NRG1: variants seen among roughly 807,000 people sequenced by gnomAD.
NRG1 encodes neuregulin 1.
Under a neutral mutation model 63.8 loss-of-function variants are expected in NRG1, and 18 were observed. The ratio of observed to expected loss-of-function variants is 0.28; its 90% CI spans 0.19 to 0.42. The LOEUF is 0.42. Ranked by LOEUF, NRG1 falls within the 10% of genes least tolerant of loss-of-function variation. The pLI, the probability that NRG1 is intolerant of heterozygous loss-of-function variation, is 1.00. For missense variants in NRG1, 762 were observed against 814.7 expected, an observed-to-expected ratio of 0.94 and a Z score of 0.79; for synonymous variants, 302 against 301.3, an observed-to-expected ratio of 1.00 and a Z score of -0.02.
rs140456415 is a variant in NRG1 at position 32,643,146 on chromosome 8, C to T, written c.502+26261C>T. Among the ~76,000 whole-genome samples the T allele has an allele frequency of 2.4e-3, 361 of 152,234 alleles. 4 individuals are homozygous for T. The highest frequency in any genetic ancestry group is 8.2e-3 in the African/African-American group (340 of 41,544). ...TCTGCCAAATCCCATTCTATATTACCGTGTCTCTTCTTGATCCAGGTTGGC... is the reference window on the plus strand; with the variant it reads ...TCTGCCAAATCCCATTCTATATTACTGTGTCTCTTCTTGATCCAGGTTGGC... On this transcript the variant is annotated intron_variant, in intron 5 of 11. Transcript: ENST00000356819.
At chr8:32,095,801 T>C (rs1162154115) in intron 1 of NRG1, among the ~76,000 whole-genome samples, 1 of 152,220 alleles carries the variant, frequency 6.6e-6, no homozygotes, top group Non-Finnish European at 1.5e-5. Flanking sequence ...TTTTCATCTT[T>C]TGTTTTTAAA....
chr8:32,668,528 A>C (rs1355775919), intron 5 of NRG1, among the ~76,000 whole-genome samples: 1 of 152,156 alleles, frequency 6.6e-6, no homozygotes, highest in Non-Finnish European at 1.5e-5. Flanking sequence ...CTGAGTTACT[A>C]GTTTCACCAC....
intron 1 of NRG1, among the ~76,000 whole-genome samples, chr8:32,309,978 C>T (rs1324077891): frequency 6.6e-6 from 1 of 152,206 alleles, no homozygotes; most frequent in Non-Finnish European, 1.5e-5. Flanking sequence ...AATATTTTCG[C>T]CTAGATTTTG....
intron 1 of NRG1, among the ~76,000 whole-genome samples, chr8:31,688,138 C>A (rs1172565703): frequency 6.6e-6 from 1 of 152,168 alleles, no homozygotes; most frequent in Non-Finnish European, 1.5e-5. Flanking sequence ...TTCAACAGGG[C>A]AATGGTTAAA....
chr8:31,812,128 G>A (rs1822947812), intron 1 of NRG1, among the ~76,000 whole-genome samples: 1 of 152,286 alleles, frequency 6.6e-6, no homozygotes, highest in African/African-American at 2.4e-5. Context: ...TTGGTAGGTT[G>A]TAGGATTAGT....
At chr8:32,416,495 A>G (rs894907279) in intron 1 of NRG1, among the ~76,000 whole-genome samples, 2 of 152,148 alleles carry the variant, frequency 1.3e-5, no homozygotes, top group Non-Finnish European at 2.9e-5. Context: ...TATCTAAAGC[A>G]GCGATTCTCG....
At chr8:32,016,770 A>G (rs1490741206) in intron 1 of NRG1, among the ~76,000 whole-genome samples, 1 of 152,176 alleles carries the variant, frequency 6.6e-6, no homozygotes, top group African/African-American at 2.4e-5. Flanking sequence ...CTATGAATAG[A>G]AAACATGAAA....
chr8:32,149,656 A>G (rs893800939), intron 1 of NRG1, among the ~76,000 whole-genome samples: 3 of 152,200 alleles, frequency 2.0e-5, no homozygotes, highest in African/African-American at 4.8e-5. Flanking sequence ...ATATTTGTTG[A>G]TTGTTTTGAT....
At chr8:31,669,997 T>C (rs960969136) in intron 1 of NRG1, among the ~76,000 whole-genome samples, 2 of 152,168 alleles carry the variant, frequency 1.3e-5, no homozygotes, top group African/African-American at 4.8e-5. Flanking sequence ...TAAACCCATA[T>C]AGAGATAAGG....
chr8:32,728,093 C>T lies in NRG1; in HGVS notation c.632+15C>T, dbSNP rs1156550101. 3.7e-6 allele frequency: 6 copies of T among 1,613,536 alleles called. No individual in the cohort carries two copies. Among genetic ancestry groups the T allele is most frequent in the Non-Finnish European group, 5.1e-6 (6 of 1,179,730 alleles). On this transcript the variant is annotated intron_variant, in intron 6 of 11. Transcript: ENST00000356819. ...TACTTGTGCAAGTAAGAAAAGAAAT[C>T]CTGTGTGTCGCTTATGTCTATAACT...
chr8:32,573,852 C>T (rs576555710), intron 1 of NRG1, among the ~76,000 whole-genome samples: 7 of 152,092 alleles, frequency 4.6e-5, no homozygotes, highest in South Asian at 2.1e-4. Flanking sequence ...CCTTCCTGTG[C>T]CCATGTGTTC....
intron 1 of NRG1, among the ~76,000 whole-genome samples, chr8:32,080,811 CAG>C (rs879420093): frequency 9.5e-4 from 136 of 143,668 alleles, no homozygotes; most frequent in Non-Finnish European, 1.8e-3. Flanking sequence ...GTGTGTGTGA[CAG>C]AGACAGACAG....
At chr8:32,012,878 GT>G (rs1317758428) in intron 1 of NRG1, among the ~76,000 whole-genome samples, 4 of 151,904 alleles carry the variant, frequency 2.6e-5, no homozygotes, top group African/African-American at 4.8e-5. Flanking sequence ...AAAGATAACT[GT>G]TTTTTTTACG....
chr8:32,600,467 G>A (rs542595394), intron 2 of NRG1, among the ~76,000 whole-genome samples: 15 of 151,972 alleles, frequency 9.9e-5, no homozygotes, highest in South Asian at 6.2e-4. Context: ...TAGAATAATC[G>A]AGTTAAAATA....
intron 1 of NRG1, among the ~76,000 whole-genome samples, chr8:31,773,605 A>G (rs1430152029): frequency 1.3e-5 from 2 of 152,192 alleles, no homozygotes; most frequent in Non-Finnish European, 2.9e-5. Flanking sequence ...TAAAATTAAA[A>G]TTCTGTTGAA....
intron 1 of NRG1, among the ~76,000 whole-genome samples, chr8:32,131,206 A>G (rs1316735042): frequency 6.6e-6 from 1 of 151,978 alleles, no homozygotes; most frequent in East Asian, 1.9e-4. Flanking sequence ...ATGAAATATT[A>G]ATACCTTGAA....
chr8:32,624,713 G>T (rs1848904360), intron 5 of NRG1, among the ~76,000 whole-genome samples: 1 of 152,086 alleles, frequency 6.6e-6, no homozygotes, highest in Admixed American at 6.6e-5. Flanking sequence ...AGGAAATTCT[G>T]CATTTTGAAA....
At chr8:31,756,498 T>G (rs536004628) in intron 1 of NRG1, among the ~76,000 whole-genome samples, 1 of 152,188 alleles carries the variant, frequency 6.6e-6, no homozygotes, top group South Asian at 2.1e-4. Context: ...ATGGACACTG[T>G]CTGCCCATCA....
At chr8:32,349,498 G>C (rs1194110593) in intron 1 of NRG1, among the ~76,000 whole-genome samples, 2 of 152,072 alleles carry the variant, frequency 1.3e-5, no homozygotes, top group Non-Finnish European at 2.9e-5. Context: ...GACTTACTTA[G>C]TATTTACTTA....
Sources: allele counts gnomAD v4.1 joint callset (sites outside exome capture counted in the v4.1 genomes callset), GRCh38; gene constraint gnomAD v4.1.1; transcripts MANE v1.5; gene names NCBI Gene and HGNC (gene_info 2026-07-23, HGNC 2026-07-21).